The following FAM53B variants were observed in gnomAD, a reference collection of about 807,000 sequenced individuals.
FAM53B encodes protein FAM53B.
In FAM53B, 12 loss-of-function variants were observed where a neutral mutation model predicts 32.7. The ratio of observed to expected loss-of-function variants is 0.37; its 90% confidence interval spans 0.24 to 0.59. The LOEUF (loss-of-function observed/expected upper bound fraction) is 0.59, where lower values mean the gene tolerates loss of function less well. Among genes scored for constraint, FAM53B ranks in the 20% least tolerant of loss-of-function variants. The pLI is 0.72. For missense variants in FAM53B, 477 were observed against 577.7 expected (o/e 0.83, Z 1.79); for synonymous variants, 234 against 228.7 (o/e 1.02, Z -0.21).
chr10:124,736,825 C>G (rs1477951069), intron 1 of FAM53B, among the ~76,000 whole-genome samples: 1 of 152,258 alleles, frequency 6.6e-6, no homozygotes, highest in Non-Finnish European at 1.5e-5. Flanking sequence ...GCTCGAGGGC[C>G]CACCCACGCC....
chr10:124,720,162 T>TA (rs1351549210), intron 1 of FAM53B, among the ~76,000 whole-genome samples: 1,403 of 95,866 alleles, frequency 0.015, 15 homozygotes, highest in Middle Eastern at 0.047. Flanking sequence ...AGACTTCATC[T>TA]AAAAAAAAAA....
intron 4 of FAM53B, among the ~76,000 whole-genome samples, chr10:124,638,534 A>G (rs1486496209): frequency 1.3e-5 from 2 of 152,318 alleles, no homozygotes; most frequent in East Asian, 3.9e-4. Context: ...CGGGGCTCAG[A>G]GGGGTTTGAA....
At position 124,623,488 on chromosome 10, in the gene FAM53B, T is replaced by C. The variant is rs766538017; in HGVS notation, c.1023A>G (p.Ser341=). The change falls in exon 5 of 5, where the codon TCA becomes TCG. Residue 341 remains serine, a synonymous_variant. Coordinates refer to ENST00000337318, the MANE Select transcript of FAM53B (RefSeq NM_014661.4). ...GGGTCCTGCCCCCTGGGCCGGAGGC[T>C]GAGAGCAGGGCGGTCCAGGCCCTGG... ...SNTRAWTALL[S]ASGPGGRTPA... is the part of the protein sequence containing the mutation. 112 of 1,588,302 alleles carry C rather than the reference T, an allele frequency of 7.1e-5. No individual in the cohort carries two copies. Among genetic ancestry groups the C allele is most frequent in the Non-Finnish European group, 9.1e-5 (106 of 1,168,274 alleles).
intron 1 of FAM53B, among the ~76,000 whole-genome samples, chr10:124,739,938 A>G (rs1025244075): frequency 7.2e-5 from 11 of 151,824 alleles, no homozygotes; most frequent in African/African-American, 2.7e-4. Context: ...CTCTCAATCA[A>G]CCCACATTTA....
At chr10:124,650,717 A>G (rs537192503) in intron 4 of FAM53B, among the ~76,000 whole-genome samples, 26 of 152,260 alleles carry the variant, frequency 1.7e-4, no homozygotes, top group African/African-American at 6.0e-4. Flanking sequence ...CTCCTCCAGA[A>G]GGAAAACTAC....
intron 4 of FAM53B, among the ~76,000 whole-genome samples, chr10:124,642,881 G>A (rs964085887): frequency 5.3e-5 from 8 of 152,164 alleles, no homozygotes; most frequent in Non-Finnish European, 1.0e-4. Flanking sequence ...TCTCCTTTCC[G>A]CATTACATGC....
chr10:124,645,234 C>T (rs867026173), intron 4 of FAM53B, among the ~76,000 whole-genome samples: 4 of 152,370 alleles, frequency 2.6e-5, no homozygotes, highest in East Asian at 1.9e-4. Context: ...GTGGTAAGAC[C>T]GCCTATCTGC....
Position 124,682,262 on chromosome 10 carries a change from A to T in FAM53B, c.251T>A (p.Val84Glu), listed in dbSNP as rs1202686447. ...CAGACTGGTCACAGCGCAGGCGGTC[A>T]CTGCCTCCCGGTGCCATAGTGAGCT... ...KDSSLWHREA[V>E]TACAVTSLIK... The change falls in exon 4 of 5, where the codon GTG becomes GAG. Residue 84 changes from valine to glutamate, a missense_variant. Physicochemically the swap from Val to Glu is moderately radical, Grantham distance 121. Transcript: ENST00000337318. The surrounding 1 kb of genome is among the most constrained non-coding windows in gnomAD (Gnocchi z 5.2). 1 of 1,614,080 alleles carries T rather than the reference A, an allele frequency of 6.2e-7. No individual in the cohort carries two copies. Among genetic ancestry groups the T allele is most frequent in the Admixed American group, 1.7e-5 (1 of 60,002 alleles).
At chr10:124,671,121 C>T (rs561906141) in intron 4 of FAM53B, 9 of 449,928 alleles carry the variant, frequency 2.0e-5, no homozygotes, top group African/African-American at 6.0e-5. Context: ...CGTCTGCTTC[C>T]TGTGCTGTCA....
intron 3 of FAM53B, among the ~76,000 whole-genome samples, chr10:124,688,433 A>G (rs1434580445): frequency 6.6e-6 from 1 of 152,204 alleles, no homozygotes; most frequent in Non-Finnish European, 1.5e-5. Context: ...GAGCGTGTGC[A>G]TTTGTGTGTA....
intron 4 of FAM53B, among the ~76,000 whole-genome samples, chr10:124,625,175 G>A (rs1031990570): frequency 1.3e-5 from 2 of 152,254 alleles, no homozygotes; most frequent in Non-Finnish European, 2.9e-5. Flanking sequence ...ACCAGCCTCA[G>A]CGGATGGGAA....
intron 1 of FAM53B, among the ~76,000 whole-genome samples, chr10:124,731,849 T>A (rs147920036): frequency 6.6e-6 from 1 of 152,336 alleles, no homozygotes; most frequent in African/African-American, 2.4e-5. Context: ...AGATGCTCCC[T>A]GCAGTTCTTC....
intron 3 of FAM53B, among the ~76,000 whole-genome samples, chr10:124,693,435 C>T (rs1186920693): frequency 2.6e-5 from 4 of 151,542 alleles, no homozygotes; most frequent in Non-Finnish European, 4.4e-5. Flanking sequence ...ACACCACTGC[C>T]CTCCAGCCTG....
intron 4 of FAM53B, among the ~76,000 whole-genome samples, chr10:124,672,279 T>C (rs1373404079): frequency 1.3e-5 from 2 of 152,258 alleles, no homozygotes; most frequent in African/African-American, 4.8e-5. Flanking sequence ...TGCACCTATT[T>C]GTGCTTCCTG....
chr10:124,698,927 C>T (rs902681082), intron 2 of FAM53B, among the ~76,000 whole-genome samples: 1 of 152,264 alleles, frequency 6.6e-6, no homozygotes, highest in African/African-American at 2.4e-5. Flanking sequence ...TGAGTACCCC[C>T]AACCTTGCTC....
intron 4 of FAM53B, 76 bp from the exon 5 acceptor site, chr10:124,623,680 C>T (rs1048199044): frequency 6.8e-7 from 1 of 1,473,692 alleles, no homozygotes; most frequent in Non-Finnish European, 9.0e-7. Flanking sequence ...CCCCACAAAG[C>T]AACTAGACCA....
chr10:124,727,349 G>C lies in FAM53B; in HGVS notation c.-175+16664C>G, dbSNP rs756286139. Among the ~76,000 whole-genome samples the C allele has an allele frequency of 1.4e-3, 203 of 148,888 alleles. 1 individual carries two copies. The highest frequency in any genetic ancestry group is 2.1e-3 in the Non-Finnish European group (140 of 67,262). ...TGATTGTGGGGGGGGGGGGGGTGCG[G>C]GGGTACAAAATGAATCCCCAGGTCA... On this transcript the variant is annotated intron_variant, in intron 1 of 4. Transcript: ENST00000337318.
intron 3 of FAM53B, among the ~76,000 whole-genome samples, chr10:124,687,100 G>GT (rs1433589032): frequency 3.3e-5 from 5 of 152,228 alleles, no homozygotes; most frequent in Admixed American, 6.5e-5. Context: ...TCAAGGCTAT[G>GT]TTTAGCCCTG....
intron 3 of FAM53B, among the ~76,000 whole-genome samples, chr10:124,694,099 T>C (rs1949852526): frequency 6.6e-6 from 1 of 152,120 alleles, no homozygotes; most frequent in Non-Finnish European, 1.5e-5. Flanking sequence ...TCCACAGACC[T>C]CCCACCAGTA....
Sources: gnomAD v4.1 joint callset for allele counts (sites outside exome capture counted in the v4.1 genomes callset) on GRCh38, gnomAD v4.1.1 for gene constraint, Gnocchi (gnomAD v3.1) non-coding constraint, MANE v1.5 for transcripts, NCBI Gene and HGNC (gene_info 2026-07-23, HGNC 2026-07-21) for gene names.